The following CENPN variants were observed in gnomAD, a reference collection of about 807,000 sequenced individuals.
CENPN encodes the protein interphase centromere complex protein 32.
A neutral mutation model predicts 48.6 loss-of-function variants in CENPN; 36 were observed. That is an observed-to-expected ratio of 0.74 (90% CI 0.57 to 0.98). CENPN has a LOEUF of 0.98. CENPN is among the 50% of genes least tolerant of loss of function. The probability of loss-of-function intolerance (pLI) is 0.00; values close to 1 mark genes in which losing one functional copy is unlikely to be tolerated. For synonymous variants in CENPN, 166 were observed against 135.2 expected, an observed-to-expected ratio of 1.23 and a Z score of -1.58; for missense variants, 439 against 399.2, an observed-to-expected ratio of 1.10 and a Z score of -0.85.
At chr16:81,024,495 A>G in intron 7 of CENPN, 1 of 390,472 alleles carries the variant, frequency 2.6e-6, no homozygotes, top group Non-Finnish European at 4.6e-6. Context: ...CATTTCTATG[A>G]TAAAGCACAG....
rs1174142746 is a variant in CENPN at position 81,007,260 on chromosome 16, T to A, written c.-28T>A. 6.4e-6 allele frequency: 1 copy of A among 156,648 alleles called. No individual in the cohort carries two copies. Among genetic ancestry groups the A allele is most frequent in the Non-Finnish European group, 1.4e-5 (1 of 72,100 alleles). 9.7% of individuals were successfully genotyped at this position (156,648 alleles called of 1,614,324 possible). A position where few individuals can be genotyped will look rare whatever the true frequency, so the allele number is the denominator to read the frequency against. ...GGGAACAGCTCTTGAGGAGTGAGAC[T>A]GCAGGAGATGTGGGCCGGTAAGAGA... On this transcript the variant is annotated 5_prime_UTR_variant, in exon 1 of 11. Coordinates refer to ENST00000305850, the MANE Select transcript of CENPN (RefSeq NM_001100624.3).
chr16:81,029,329 G>C lies in CENPN; in HGVS notation c.*678G>C, dbSNP rs1970659861. ...AAAAACTGGCACATCAGTTAATTTT[G>C]ATCAAAGTACTTCAGTGATCATCAC... On this transcript the variant is annotated 3_prime_UTR_variant, in exon 11 of 11. Coordinates refer to ENST00000305850, the MANE Select transcript of CENPN (RefSeq NM_001100624.3). 1.1e-6 allele frequency: 1 copy of C among 946,760 alleles called. No homozygotes were observed. Among genetic ancestry groups the C allele is most frequent in the Non-Finnish European group, 1.3e-6 (1 of 795,000 alleles). The allele number at this position is 946,760 out of a possible 1,614,324, so 58.6% of individuals were successfully genotyped here. A position where few individuals can be genotyped will look rare whatever the true frequency, so the allele number is the denominator to read the frequency against.
At position 81,025,594 on chromosome 16, in the gene CENPN, G is replaced by C. The variant is rs180770680; in HGVS notation, c.697+816G>C. Among the ~76,000 whole-genome samples the C allele has an allele frequency of 7.9e-5, 12 of 151,886 alleles. No individual in the cohort carries two copies. In the East Asian group the frequency reaches 2.1e-3, roughly 27 times the overall value. On this transcript the variant is annotated intron_variant, in intron 8 of 10. Transcript: ENST00000305850. ...TAGGTGAGGCTAGGAACAATGTTATGCATCTGTGGTCCCGGCTACTTGGGA... is the reference window on the plus strand; with the variant it reads ...TAGGTGAGGCTAGGAACAATGTTATCCATCTGTGGTCCCGGCTACTTGGGA...
Position 81,029,308 on chromosome 16 carries a change from A to C in CENPN, c.*657A>C. On this transcript the variant is annotated 3_prime_UTR_variant, in exon 11 of 11. Coordinates refer to ENST00000305850, the MANE Select transcript of CENPN (RefSeq NM_001100624.3). ...GACTTATGAATAAAGGTGTCAAAAA[A>C]CTGGCACATCAGTTAATTTTGATCA... The C allele has an allele frequency of 1.1e-6, 1 of 946,286 alleles. No individual in the cohort carries two copies. Among genetic ancestry groups the C allele is most frequent in the Non-Finnish European group, 1.3e-6 (1 of 794,380 alleles). The allele number at this position is 946,286 out of a possible 1,614,324, so 58.6% of individuals were successfully genotyped here. A position where few individuals can be genotyped will look rare whatever the true frequency, so the allele number is the denominator to read the frequency against.
chr16:81,024,769 G>C lies in CENPN; in HGVS notation c.688G>C (p.Asp230His), dbSNP rs944037949. The change falls in exon 8 of 11, where the codon GAT becomes CAT. Residue 230 changes from aspartate to histidine, a missense_variant. Asp to His is a moderately conservative substitution (Grantham distance 81). Coordinates refer to ENST00000305850, the MANE Select transcript of CENPN (RefSeq NM_001100624.3). ...TCTACAGGAAAGAAGCCTTGGACTA[G>C]ATATAAATAGTACGTGTGTGTTAAT... ...TPLQERSLGL[D>H]INMDSRIIHE... 6 of 1,604,838 alleles carry C rather than the reference G, an allele frequency of 3.7e-6. No homozygotes were observed. Among genetic ancestry groups the C allele is most frequent in the Non-Finnish European group, 5.1e-6 (6 of 1,173,046 alleles).
Position 81,028,975 on chromosome 16 carries a change from T to G in CENPN, c.*324T>G. On this transcript the variant is annotated 3_prime_UTR_variant, in exon 11 of 11. Coordinates refer to ENST00000305850, the MANE Select transcript of CENPN (RefSeq NM_001100624.3). ...AGCGCTCAAGACTTTTGGGTTTGTG[T>G]CCTTTTTTCTATGGCTGTCTCTTCT... 2.3e-5 allele frequency: 23 copies of G among 1,014,000 alleles called. No homozygotes were observed. Among genetic ancestry groups the G allele is most frequent in the Non-Finnish European group, 2.7e-5 (23 of 849,228 alleles). The allele number at this position is 1,014,000 out of a possible 1,614,324, so 62.8% of individuals were successfully genotyped here.
chr16:81,020,398 C>T (rs1040710099), intron 6 of CENPN, 122 bp downstream of exon 6: 13 of 975,148 alleles, frequency 1.3e-5, no homozygotes, highest in African/African-American at 3.4e-5. Context: ...TGGCATGTAC[C>T]TGTGGTCCCA....
chr16:81,009,924 C>T (rs143971211), intron 1 of CENPN, among the ~76,000 whole-genome samples: 6 of 152,286 alleles, frequency 3.9e-5, no homozygotes, highest in African/African-American at 1.2e-4. Flanking sequence ...GCAGACCACG[C>T]GCGGTGGCTC....
At chr16:81,012,229 G>T in intron 2 of CENPN, 119 bp downstream of exon 2, 1 of 827,530 alleles carries the variant, frequency 1.2e-6, no homozygotes, top group Non-Finnish European at 1.9e-6. Context: ...GTGAAGTGAT[G>T]AGGGCTATAT....
At chr16:81,019,871 A>C (rs777145370) in intron 5 of CENPN, among the ~76,000 whole-genome samples, 12 of 137,596 alleles carry the variant, frequency 8.7e-5, no homozygotes, top group Admixed American at 3.0e-4. Context: ...AGCAAGACCT[A>C]GTCTCAAAAA....
intron 3 of CENPN, 116 bp downstream of exon 3, chr16:81,014,297 C>T: frequency 1.3e-6 from 1 of 796,884 alleles, no homozygotes; most frequent in Non-Finnish European, 2.1e-6. Flanking sequence ...TGCAGTAACG[C>T]CATCTCAGCT....
intron 1 of CENPN, among the ~76,000 whole-genome samples, chr16:81,009,742 A>C (rs538532408): frequency 6.6e-6 from 1 of 152,358 alleles, no homozygotes; most frequent in East Asian, 1.9e-4. Flanking sequence ...GGACTCTTGT[A>C]GGAAGATACT....
Position 81,028,920 on chromosome 16 carries a change from C to T in CENPN, c.*269C>T, listed in dbSNP as rs1010706604. Reference sequence around the variant, plus strand: ...TGGCCCCACACTTGACCTTGAGTGCCTGAATGCTCTGAAATCAAGCATATG... The same window carrying T: ...TGGCCCCACACTTGACCTTGAGTGCTTGAATGCTCTGAAATCAAGCATATG... On this transcript the variant is annotated 3_prime_UTR_variant, in exon 11 of 11. Transcript: ENST00000305850. The T allele has an allele frequency of 2.1e-5, 23 of 1,110,596 alleles. No homozygotes were observed. The highest frequency in any genetic ancestry group is 1.8e-5 in the Non-Finnish European group (16 of 911,402). 68.8% of individuals were successfully genotyped at this position (1,110,596 alleles called of 1,614,324 possible).
At position 81,030,038 on chromosome 16, in the gene CENPN, A is replaced by G. The variant is rs1402171949; in HGVS notation, c.*1387A>G. On this transcript the variant is annotated 3_prime_UTR_variant, in exon 11 of 11. Coordinates refer to ENST00000305850, the MANE Select transcript of CENPN (RefSeq NM_001100624.3). ...CAGGCAAGAGAGCTTGTGCAGGGAAACTCCCATTTATAAAACCACCAGAGC... is the reference window on the plus strand; with the variant it reads ...CAGGCAAGAGAGCTTGTGCAGGGAAGCTCCCATTTATAAAACCACCAGAGC... Among the ~76,000 whole-genome samples the G allele has an allele frequency of 2.6e-5, 4 of 151,732 alleles. No homozygotes were observed. The highest frequency in any genetic ancestry group is 1.3e-4 in the Admixed American group (2 of 15,218).
intron 1 of CENPN, among the ~76,000 whole-genome samples, chr16:81,009,357 C>T (rs1240489441): frequency 1.3e-5 from 2 of 152,174 alleles, no homozygotes; most frequent in African/African-American, 4.8e-5. Flanking sequence ...GCAGGAAGAA[C>T]CTTCTAGGCA....
In CENPN at chr16:81,029,363, C is replaced by A; in HGVS notation, c.*712C>A. 1.1e-6 allele frequency: 1 copy of A among 928,050 alleles called. No individual in the cohort carries two copies. Among genetic ancestry groups the A allele is most frequent in the Non-Finnish European group, 1.3e-6 (1 of 777,862 alleles). The allele number at this position is 928,050 out of a possible 1,614,324, so 57.5% of individuals were successfully genotyped here. Reference sequence around the variant, plus strand: ...ACTTCAGTGATCATCACTAAATACCCTATCTTTTTAAAAATTTTTTCCTTT... The same window carrying A: ...ACTTCAGTGATCATCACTAAATACCATATCTTTTTAAAAATTTTTTCCTTT... On this transcript the variant is annotated 3_prime_UTR_variant, in exon 11 of 11. Coordinates refer to ENST00000305850, the MANE Select transcript of CENPN (RefSeq NM_001100624.3).
At position 81,029,780 on chromosome 16, in the gene CENPN, G is replaced by T. The variant is rs1021910075; in HGVS notation, c.*1129G>T. 6.6e-6 allele frequency among the ~76,000 whole-genome samples: 1 copy of T among 152,028 alleles called. No homozygotes were observed. The highest frequency in any genetic ancestry group is 1.5e-5 in the Non-Finnish European group (1 of 68,010). Reference sequence around the variant, plus strand: ...AGTAGAGACAGGGTTTCTCCATGTTGCCCAGGCTGATCTCAAACTCCTGGG... The same window carrying T: ...AGTAGAGACAGGGTTTCTCCATGTTTCCCAGGCTGATCTCAAACTCCTGGG... On this transcript the variant is annotated 3_prime_UTR_variant, in exon 11 of 11. Transcript: ENST00000305850.
intron 3 of CENPN, among the ~76,000 whole-genome samples, chr16:81,015,249 T>A (rs915445588): frequency 3.3e-5 from 5 of 152,202 alleles, no homozygotes; most frequent in African/African-American, 1.2e-4. Flanking sequence ...GTTTTTTTTA[T>A]CAGAAGGCAG....
chr16:81,023,175 A>G (rs899178549), intron 7 of CENPN: 33 of 326,508 alleles, frequency 1.0e-4, no homozygotes, highest in Non-Finnish European at 1.5e-4. Flanking sequence ...CTCTAATGAC[A>G]AATACAGATC....
Sources: allele counts gnomAD v4.1 joint callset (sites outside exome capture counted in the v4.1 genomes callset), GRCh38; gene constraint gnomAD v4.1.1; transcripts MANE v1.5; gene names NCBI Gene and HGNC (gene_info 2026-07-23, HGNC 2026-07-21).